The following LINGO2 variants were observed in gnomAD, a reference collection of about 807,000 sequenced individuals.
LINGO2 encodes the protein leucine-rich repeat and immunoglobulin-like domain-containing nogo receptor-interacting protein 2.
LINGO2 carries 14 observed loss-of-function variants against 30.6 expected under a neutral mutation model. The observed-to-expected ratio is 0.46, with a 90% CI of 0.30 to 0.72. The LOEUF is 0.72. Among genes scored for constraint, LINGO2 ranks in the 30% least tolerant of loss-of-function variants. LINGO2 has a pLI of 0.07. For missense variants in LINGO2, 729 were observed against 751.7 expected (o/e 0.97, Z 0.35); for synonymous variants, 317 against 288.5 (o/e 1.10, Z -1.00).
At chr9:28,384,348 T>TATATATATATATATATATATATATGC (rs1429233732) in intron 2 of LINGO2, among the ~76,000 whole-genome samples, 1 of 149,476 alleles carries the variant, frequency 6.7e-6, no homozygotes, top group African/African-American at 2.4e-5. Context: ...TATATATATA[T>TATATATATATATATATATATATATGC]ATGCCTGTGT....
chr9:28,422,161 G>C (rs776383158), intron 2 of LINGO2, among the ~76,000 whole-genome samples: 3 of 151,946 alleles, frequency 2.0e-5, no homozygotes, highest in Non-Finnish European at 4.4e-5. Flanking sequence ...AATAAAAAAT[G>C]ACAAATGGAA....
At chr9:28,795,362 T>C in the LINGO2 span, among the ~76,000 whole-genome samples, 2 of 152,120 alleles carry the variant, frequency 1.3e-5, no homozygotes, top group East Asian at 3.9e-4. Flanking sequence ...TCTTGTATTA[T>C]AAAGGACAAA....
At chr9:28,837,403 T>C in the LINGO2 span, among the ~76,000 whole-genome samples, 16 of 151,680 alleles carry the variant, frequency 1.1e-4, no homozygotes, top group Non-Finnish European at 2.2e-4. Flanking sequence ...CTCAGCACTT[T>C]GGGAGGCCGA....
chr9:28,721,597 G>T, the LINGO2 span, among the ~76,000 whole-genome samples: 1 of 152,090 alleles, frequency 6.6e-6, no homozygotes, highest in Non-Finnish European at 1.5e-5. Flanking sequence ...CTCATAAGTG[G>T]AAGTTGAACA....
the LINGO2 span, among the ~76,000 whole-genome samples, chr9:29,121,788 T>C: frequency 6.6e-6 from 1 of 152,118 alleles, no homozygotes; most frequent in Non-Finnish European, 1.5e-5. Context: ...TAAAAGGTCA[T>C]ATGACATTTT....
the LINGO2 span, among the ~76,000 whole-genome samples, chr9:29,207,813 T>C: frequency 3.9e-5 from 6 of 152,038 alleles, no homozygotes; most frequent in African/African-American, 2.4e-5. Context: ...TGAATACATT[T>C]AGAAAATTAA....
At chr9:28,743,260 G>A in the LINGO2 span, among the ~76,000 whole-genome samples, 20 of 151,796 alleles carry the variant, frequency 1.3e-4, no homozygotes, top group African/African-American at 4.4e-4. Flanking sequence ...AGGTATACAC[G>A]TGCCGTGGTG....
intron 4 of LINGO2, among the ~76,000 whole-genome samples, chr9:28,180,663 G>T (rs554875042): frequency 6.6e-6 from 1 of 152,150 alleles, no homozygotes; most frequent in Non-Finnish European, 1.5e-5. Context: ...TAGTTCAAAA[G>T]ATAGACTTGA....
intron 4 of LINGO2, among the ~76,000 whole-genome samples, chr9:28,195,029 A>G (rs570410714): frequency 3.0e-4 from 46 of 152,150 alleles, no homozygotes; most frequent in African/African-American, 1.0e-3. Flanking sequence ...AAACAAAACA[A>G]AAAGGATTAG....
At chr9:27,990,444 C>T (rs1408122938) in intron 5 of LINGO2, among the ~76,000 whole-genome samples, 2 of 142,152 alleles carry the variant, frequency 1.4e-5, no homozygotes, top group Non-Finnish European at 3.0e-5. Context: ...CAAAAAGCAT[C>T]ACTTCAGTGG....
At chr9:28,530,941 AC>A (rs1423732638) in intron 1 of LINGO2, among the ~76,000 whole-genome samples, 1 of 151,414 alleles carries the variant, frequency 6.6e-6, no homozygotes, top group Non-Finnish European at 1.5e-5. Context: ...GCCATGATGC[AC>A]CGTCACTAGG....
chr9:28,160,291 G>T (rs1050094720), intron 4 of LINGO2, among the ~76,000 whole-genome samples: 1 of 152,156 alleles, frequency 6.6e-6, no homozygotes, highest in Non-Finnish European at 1.5e-5. Flanking sequence ...GCCTGAGCTT[G>T]CACTGATATC....
the LINGO2 span, among the ~76,000 whole-genome samples, chr9:28,934,742 GAATT>G: frequency 6.6e-6 from 1 of 152,024 alleles, no homozygotes; most frequent in South Asian, 2.1e-4. Context: ...CATTTATTTT[GAATT>G]CAATTTTAAG....
At chr9:28,785,814 G>T in the LINGO2 span, among the ~76,000 whole-genome samples, 1 of 151,992 alleles carries the variant, frequency 6.6e-6, no homozygotes, top group Non-Finnish European at 1.5e-5. Flanking sequence ...CTTGGCAATG[G>T]GTATGCTAAC....
intron 2 of LINGO2, among the ~76,000 whole-genome samples, chr9:28,382,282 C>A (rs920293593): frequency 5.3e-5 from 8 of 152,062 alleles, no homozygotes; most frequent in Non-Finnish European, 1.2e-4. Context: ...AATATGAAAG[C>A]ATTGTTACAA....
At chr9:28,706,994 C>G in the LINGO2 span, among the ~76,000 whole-genome samples, 1 of 152,056 alleles carries the variant, frequency 6.6e-6, no homozygotes, top group Non-Finnish European at 1.5e-5. Context: ...TCATTCCTCC[C>G]TACTCCTGGA....
chr9:28,542,833 C>A (rs550804450), intron 1 of LINGO2, among the ~76,000 whole-genome samples: 1 of 151,980 alleles, frequency 6.6e-6, no homozygotes, highest in Non-Finnish European at 1.5e-5. Context: ...TGAAACAGTG[C>A]ATGAACCACA....
chr9:28,221,342 T>C (rs961921386), intron 4 of LINGO2, among the ~76,000 whole-genome samples: 1 of 144,086 alleles, frequency 6.9e-6, no homozygotes, highest in Non-Finnish European at 1.5e-5. Flanking sequence ...ATAGAGGAGA[T>C]TAAGTGTTCT....
At chr9:28,847,442 T>G in the LINGO2 span, among the ~76,000 whole-genome samples, 2 of 147,084 alleles carry the variant, frequency 1.4e-5, no homozygotes, top group African/African-American at 5.1e-5. Context: ...TCATTTAAGC[T>G]GCACATGAGA....
Sources: gnomAD v4.1 joint callset for allele counts (sites outside exome capture counted in the v4.1 genomes callset) on GRCh38, gnomAD v4.1.1 for gene constraint, MANE v1.5 for transcripts, NCBI Gene and HGNC (gene_info 2026-07-23, HGNC 2026-07-21) for gene names.